STYX: variants seen among roughly 807,000 people sequenced by gnomAD.
STYX encodes serine/threonine/tyrosine interacting protein.
STYX carries 20 observed loss-of-function variants against 42.7 expected under a neutral mutation model. The ratio of observed to expected loss-of-function variants is 0.47; its 90% CI spans 0.33 to 0.68. The LOEUF (loss-of-function observed/expected upper bound fraction) is 0.68, where lower values mean the gene tolerates loss of function less well. Among genes scored for constraint, STYX ranks in the 30% least tolerant of loss-of-function variants. The pLI is 0.02. For synonymous variants in STYX, 78 were observed against 81.9 expected, an observed-to-expected ratio of 0.95 and a Z score of 0.26; for missense variants, 226 against 268.5, an observed-to-expected ratio of 0.84 and a Z score of 1.11.
intron 8 of STYX, among the ~76,000 whole-genome samples, chr14:52,759,306 G>C (rs1881999274): frequency 6.6e-6 from 1 of 152,130 alleles, no homozygotes; most frequent in Non-Finnish European, 1.5e-5. Flanking sequence ...TTTTTGTAGA[G>C]ATGGGGTCTT....
chr14:52,745,715 G>T lies in STYX; in HGVS notation c.91-711G>T, dbSNP rs1184092385. ...TTTCATACCATTTACCGTCAAGTCT[G>T]TTTGCCCCAGGATTAAGCAGTATCT... On this transcript the variant is annotated intron_variant, in intron 2 of 10. Coordinates refer to ENST00000354586, the MANE Select transcript of STYX (RefSeq NM_145251.4). Among the ~76,000 whole-genome samples, 11 of 152,136 alleles carry T rather than the reference G, an allele frequency of 7.2e-5. 1 individual carries two copies. In the East Asian group the frequency reaches 2.1e-3, roughly 29 times the overall value.
In STYX at chr14:52,774,550, T is replaced by C. The variant is rs1219248404; in HGVS notation, c.*3444T>C. 2 of 151,610 alleles carry C rather than the reference T, an allele frequency of 1.3e-5. No homozygotes were observed. The highest frequency in any genetic ancestry group is 2.9e-5 in the Non-Finnish European group (2 of 67,920). The allele number at this position is 151,610 out of a possible 1,614,324, so 9.4% of individuals were successfully genotyped here. On this transcript the variant is annotated 3_prime_UTR_variant, in exon 11 of 11. Coordinates refer to ENST00000354586, the MANE Select transcript of STYX (RefSeq NM_145251.4). ...AGTACTGAAAGACCTTTTTTTTTAA[T>C]TGATTAGAAAAGTAAGTCTCTAGGG...
chr14:52,741,230 A>AT (rs61593961), intron 1 of STYX, among the ~76,000 whole-genome samples: 4,925 of 140,260 alleles, frequency 0.035, 113 homozygotes, highest in Non-Finnish European at 0.046. Context: ...ATATATATAT[A>AT]TTTTTTTTTT....
At position 52,730,279 on chromosome 14, in the gene STYX, CT is replaced by C. The variant is rs1880636139; in HGVS notation, c.-194del. The C allele has an allele frequency of 4.9e-6, 3 of 606,114 alleles. No individual in the cohort carries two copies. The highest frequency in any genetic ancestry group is 5.9e-6 in the Non-Finnish European group (2 of 339,756). 37.5% of individuals were successfully genotyped at this position (606,114 alleles called of 1,614,324 possible). On this transcript the variant is annotated 5_prime_UTR_variant, in exon 1 of 11. The change creates a premature stop within an existing upstream ORF in the 5' untranslated region. Coordinates refer to ENST00000354586, the MANE Select transcript of STYX (RefSeq NM_145251.4). The stretch of plus-strand genomic sequence containing the variant: ...CGGGTGTAAGACGCCCGACCCTCCT[CT>C]TCCCTGTCTTCGCCGCCGCCGCTGC...
chr14:52,768,700 C>T, intron 9 of STYX, 140 bp from the exon 10 acceptor site: 1 of 540,194 alleles, frequency 1.9e-6, no homozygotes, highest in Non-Finnish European at 3.1e-6. Context: ...GAATTTTAAA[C>T]TTCCATTTCT....
chr14:52,741,853 A>T (rs1228892603), intron 1 of STYX, among the ~76,000 whole-genome samples: 1 of 152,014 alleles, frequency 6.6e-6, no homozygotes, highest in Non-Finnish European at 1.5e-5. Context: ...TAAATTTTTT[A>T]TATTTTTCGT....
At chr14:52,753,481 C>T (rs1881715983) in intron 4 of STYX, among the ~76,000 whole-genome samples, 1 of 152,126 alleles carries the variant, frequency 6.6e-6, no homozygotes, top group Admixed American at 6.5e-5. Context: ...CCACTACGCT[C>T]AGCCGAGGGA....
intron 1 of STYX, among the ~76,000 whole-genome samples, chr14:52,735,467 A>G (rs1880912502): frequency 6.6e-6 from 1 of 152,200 alleles, no homozygotes; most frequent in Non-Finnish European, 1.5e-5. Context: ...CACCAAAACC[A>G]TAGGAACATT....
intron 1 of STYX, among the ~76,000 whole-genome samples, chr14:52,732,760 T>A (rs1477992155): frequency 6.6e-6 from 1 of 152,046 alleles, no homozygotes; most frequent in Non-Finnish European, 1.5e-5. Context: ...AACCTCCGCC[T>A]CCCACGTTCA....
Position 52,764,470 on chromosome 14 carries a change from A to G in STYX, c.505-4370A>G, listed in dbSNP as rs375261184. ...ATTGAGTTTTGCTATTAGATTTGGTATCATTGTTTCCTAATAGGTGAATTT... is the reference window on the plus strand; with the variant it reads ...ATTGAGTTTTGCTATTAGATTTGGTGTCATTGTTTCCTAATAGGTGAATTT... On this transcript the variant is annotated intron_variant, in intron 9 of 10. Coordinates refer to ENST00000354586, the MANE Select transcript of STYX (RefSeq NM_145251.4). Among the ~76,000 whole-genome samples the G allele has an allele frequency of 3.3e-5, 5 of 152,086 alleles. No individual in the cohort carries two copies. In the East Asian group the frequency reaches 7.7e-4, roughly 23 times the overall value.
At position 52,750,574 on chromosome 14, in the gene STYX, G is replaced by T. The variant is rs1366851088; in HGVS notation, c.145-109G>T. ...CTTTAATTCCCTGGACTTAAGCAGA[G>T]ATGTGGGTTCTGTGTATTTTCAAAC... On this transcript the variant is annotated intron_variant, in intron 3 of 10. Transcript: ENST00000354586. 6 of 706,444 alleles carry T rather than the reference G, an allele frequency of 8.5e-6. No individual in the cohort carries two copies. In the African/African-American group the frequency reaches 9.4e-5, roughly 11 times the overall value. The allele number at this position is 706,444 out of a possible 1,614,324, so 43.8% of individuals were successfully genotyped here.
At chr14:52,757,648 A>T in intron 6 of STYX, 95 bp from the exon 7 acceptor site, 4 of 1,093,196 alleles carry the variant, frequency 3.7e-6, no homozygotes, top group Middle Eastern at 2.2e-4. Flanking sequence ...CCAAGTGATT[A>T]TAGTATATAA....
intron 1 of STYX, among the ~76,000 whole-genome samples, chr14:52,734,074 T>C (rs1880845833): frequency 6.6e-6 from 1 of 152,160 alleles, no homozygotes; most frequent in African/African-American, 2.4e-5. Flanking sequence ...ACAGCGACCA[T>C]TCAGTGGCTA....
At chr14:52,736,785 C>A (rs917497003) in intron 1 of STYX, among the ~76,000 whole-genome samples, 4 of 150,724 alleles carry the variant, frequency 2.7e-5, no homozygotes, top group African/African-American at 9.8e-5. Context: ...TTCTAATGTT[C>A]AGTCAGGTTT....
Position 52,771,888 on chromosome 14 carries a change from T to G in STYX, c.*782T>G, listed in dbSNP as rs1173809092. ...GGATAGTGTTAGATTTTCGAGTGAC[T>G]TTCCTTTTTGCATTTTTTGGCAGTA... On this transcript the variant is annotated 3_prime_UTR_variant, in exon 11 of 11. Transcript: ENST00000354586. 6.6e-6 allele frequency: 1 copy of G among 152,556 alleles called. No homozygotes were observed. The highest frequency in any genetic ancestry group is 1.5e-5 in the Non-Finnish European group (1 of 67,966). The allele number at this position is 152,556 out of a possible 1,614,324, so 9.5% of individuals were successfully genotyped here.
At chr14:52,760,192 A>AC (rs1882035498) in intron 9 of STYX, among the ~76,000 whole-genome samples, 1 of 152,116 alleles carries the variant, frequency 6.6e-6, no homozygotes, top group African/African-American at 2.4e-5. Context: ...ACAGAGTGAG[A>AC]CCCCATCCCT....
At position 52,738,985 on chromosome 14, in the gene STYX, T is replaced by A. The variant is rs566202835; in HGVS notation, c.58-5867T>A. The stretch of plus-strand genomic sequence containing the variant: ...CTCCTAAATATCACTTTTTTTTTTT[T>A]TGTATACACGTTTCTTTCCTGTGAT... On this transcript the variant is annotated intron_variant, in intron 1 of 10. Coordinates refer to ENST00000354586, the MANE Select transcript of STYX (RefSeq NM_145251.4). Among the ~76,000 whole-genome samples the A allele has an allele frequency of 2.6e-5, 4 of 152,304 alleles. No homozygotes were observed. In the East Asian group the frequency reaches 7.7e-4, roughly 29 times the overall value.
In STYX at chr14:52,774,256, A is replaced by C. The variant is rs896088578; in HGVS notation, c.*3150A>C. ...AGCATGTCTGTATTAAGAAAATATA[A>C]GGTTTCTAATTGTCTTATTAATATG... On this transcript the variant is annotated 3_prime_UTR_variant, in exon 11 of 11. Transcript: ENST00000354586. 65 of 152,302 alleles carry C rather than the reference A, an allele frequency of 4.3e-4. No homozygotes were observed. The highest frequency in any genetic ancestry group is 1.4e-3 in the African/African-American group (59 of 41,562). 9.4% of individuals were successfully genotyped at this position (152,302 alleles called of 1,614,324 possible). A position where few individuals can be genotyped will look rare whatever the true frequency, so the allele number is the denominator to read the frequency against.
At chr14:52,741,917 C>G (rs1881210102) in intron 1 of STYX, among the ~76,000 whole-genome samples, 1 of 152,066 alleles carries the variant, frequency 6.6e-6, no homozygotes, top group Admixed American at 6.6e-5. Context: ...TTTCTGCTTC[C>G]TGTGGTGGCT....
Sources: allele counts gnomAD v4.1 joint callset (sites outside exome capture counted in the v4.1 genomes callset), GRCh38; gene constraint gnomAD v4.1.1; transcripts MANE v1.5; gene names NCBI Gene and HGNC (gene_info 2026-07-23, HGNC 2026-07-21).